Variants in BBX observed in about 807,000 individuals in gnomAD.
BBX encodes the protein HMG box transcription factor BBX.
BBX carries 30 observed loss-of-function variants against 100.2 expected under a neutral mutation model. That is an observed-to-expected ratio of 0.30 (90% confidence interval 0.22 to 0.41). The LOEUF is 0.41. Ranked by LOEUF, BBX falls within the 10% of genes least tolerant of loss-of-function variation. BBX has a pLI of 1.00. For missense variants in BBX, 1,023 were observed against 1,129.8 expected (o/e 0.91, Z 1.35); for synonymous variants, 376 against 388.1 (o/e 0.97, Z 0.37).
intron 2 of BBX, among the ~76,000 whole-genome samples, chr3:107,533,300 C>T (rs745958737): frequency 6.6e-6 from 1 of 152,170 alleles, no homozygotes; most frequent in Non-Finnish European, 1.5e-5. Flanking sequence ...GTGAAATTCT[C>T]TGATATGCCT....
chr3:107,558,300 AAT>A (rs1346782351), intron 2 of BBX, among the ~76,000 whole-genome samples: 1 of 152,184 alleles, frequency 6.6e-6, no homozygotes, highest in African/African-American at 2.4e-5. Context: ...CAACCTGGCC[AAT>A]GTGGAGAAAC....
chr3:107,689,060 G>C (rs1365207602), intron 3 of BBX, among the ~76,000 whole-genome samples: 1 of 152,064 alleles, frequency 6.6e-6, no homozygotes, highest in Non-Finnish European at 1.5e-5. Flanking sequence ...TTTCCCCCTA[G>C]AATCAGGGCG....
rs1417988486 is a variant in BBX, at chr3:107,523,003, G to A, written c.-260G>A. On this transcript the variant is annotated 5_prime_UTR_variant, in exon 1 of 18. Transcript: ENST00000325805. Reference sequence around the variant, plus strand: ...GTGGAGCAGTGTACAGTGAAGCGGAGGCAGAGCGGCTCCGCGAGCTTCTCT... The same window carrying A: ...GTGGAGCAGTGTACAGTGAAGCGGAAGCAGAGCGGCTCCGCGAGCTTCTCT... 1.3e-5 allele frequency: 2 copies of A among 153,148 alleles called. No individual in the cohort carries two copies. Among genetic ancestry groups the A allele is most frequent in the Non-Finnish European group, 2.9e-5 (2 of 68,584 alleles). 9.5% of individuals were successfully genotyped at this position (153,148 alleles called of 1,614,324 possible).
intron 10 of BBX, among the ~76,000 whole-genome samples, chr3:107,771,042 A>G (rs2107775841): frequency 6.6e-6 from 1 of 152,238 alleles, no homozygotes; most frequent in Non-Finnish European, 1.5e-5. Flanking sequence ...GCATTGACTC[A>G]GCAACCCCCA....
At chr3:107,775,418 T>C (rs1269676641) in intron 12 of BBX, among the ~76,000 whole-genome samples, 4 of 152,096 alleles carry the variant, frequency 2.6e-5, no homozygotes. Context: ...CAAGATAAAA[T>C]CACTTAAGAA....
At chr3:107,558,079 A>G (rs1223805338) in intron 2 of BBX, among the ~76,000 whole-genome samples, 2 of 152,218 alleles carry the variant, frequency 1.3e-5, no homozygotes. Flanking sequence ...TTTGAGATCT[A>G]CTGGGTTAGA....
intron 9 of BBX, among the ~76,000 whole-genome samples, chr3:107,752,342 C>T (rs1436687382): frequency 6.6e-6 from 1 of 152,176 alleles, no homozygotes; most frequent in East Asian, 1.9e-4. Flanking sequence ...CATATACTTA[C>T]ACTGTAACTA....
intron 2 of BBX, among the ~76,000 whole-genome samples, chr3:107,623,550 A>G (rs1337135684): frequency 2.0e-5 from 3 of 152,190 alleles, no homozygotes; most frequent in East Asian, 3.8e-4. Context: ...AGAACCTGGG[A>G]TCCAGTGGGG....
intron 3 of BBX, among the ~76,000 whole-genome samples, chr3:107,686,453 A>C (rs1201047751): frequency 6.6e-6 from 1 of 151,510 alleles, no homozygotes; most frequent in South Asian, 2.1e-4. Flanking sequence ...CTTCTGGTGA[A>C]TTTCTAAGAC....
At chr3:107,723,847 TGTGA>T (rs1258590975) in intron 5 of BBX, among the ~76,000 whole-genome samples, 5 of 152,170 alleles carry the variant, frequency 3.3e-5, no homozygotes, top group Non-Finnish European at 7.3e-5. Context: ...TCTTTGCTAT[TGTGA>T]GTATTGCCGC....
chr3:107,673,229 GAGTT>G (rs1403643951), intron 3 of BBX, among the ~76,000 whole-genome samples: 2 of 152,042 alleles, frequency 1.3e-5, no homozygotes, highest in East Asian at 3.9e-4. Context: ...AAGAGAACAA[GAGTT>G]AGAGAAAACG....
intron 3 of BBX, among the ~76,000 whole-genome samples, chr3:107,686,090 A>C (rs1032454875): frequency 2.0e-5 from 3 of 152,228 alleles, no homozygotes; most frequent in African/African-American, 7.2e-5. Flanking sequence ...TCTTAAAAAC[A>C]ATACTGTACT....
chr3:107,605,016 T>C (rs1158416227), intron 2 of BBX, among the ~76,000 whole-genome samples: 1 of 152,248 alleles, frequency 6.6e-6, no homozygotes, highest in Non-Finnish European at 1.5e-5. Context: ...TTTACTTGAC[T>C]GCGTAGCTTA....
chr3:107,711,107 G>A (rs1457027156), intron 4 of BBX, among the ~76,000 whole-genome samples: 2 of 152,170 alleles, frequency 1.3e-5, no homozygotes, highest in African/African-American at 4.8e-5. Context: ...CTGGCATCAG[G>A]CCTCAGCAGC....
chr3:107,795,412 G>C (rs1047985440), intron 15 of BBX, among the ~76,000 whole-genome samples: 12 of 152,064 alleles, frequency 7.9e-5, no homozygotes, highest in Non-Finnish European at 1.5e-4. Context: ...TACGTTCTGG[G>C]GTTAACCCTT....
intron 10 of BBX, among the ~76,000 whole-genome samples, chr3:107,770,446 C>G (rs1221763400): frequency 6.6e-6 from 1 of 151,932 alleles, no homozygotes; most frequent in African/African-American, 2.4e-5. Context: ...TAGTTATTCA[C>G]GAAGGGCTAT....
chr3:107,546,049 C>G (rs1403654530), intron 2 of BBX, among the ~76,000 whole-genome samples: 1 of 152,180 alleles, frequency 6.6e-6, no homozygotes, highest in Non-Finnish European at 1.5e-5. Flanking sequence ...ACCTCAAGGT[C>G]ATGCTTAACC....
intron 2 of BBX, among the ~76,000 whole-genome samples, chr3:107,610,582 T>C (rs1030496415): frequency 4.1e-4 from 62 of 152,228 alleles, no homozygotes; most frequent in Admixed American, 2.4e-3. Flanking sequence ...TTAACTCTTT[T>C]ATCATTATAT....
intron 3 of BBX, among the ~76,000 whole-genome samples, chr3:107,655,041 T>G (rs2058053203): frequency 6.6e-6 from 1 of 152,226 alleles, no homozygotes. Flanking sequence ...AAGAGAAATG[T>G]CCGGCTTCAA....
Sources: allele counts gnomAD v4.1 joint callset (sites outside exome capture counted in the v4.1 genomes callset), GRCh38; gene constraint gnomAD v4.1.1; transcripts MANE v1.5; gene names NCBI Gene and HGNC (gene_info 2026-07-23, HGNC 2026-07-21).